Variants in LAMA5 observed in about 807,000 individuals in gnomAD.
LAMA5 encodes the protein laminin subunit alpha 5, also known as laminin subunit alpha-5.
In LAMA5, 260 loss-of-function variants were observed where a neutral mutation model predicts 433.4. The ratio of observed to expected loss-of-function variants is 0.60; its 90% CI spans 0.54 to 0.66. LAMA5 has a LOEUF of 0.66. Among genes scored for constraint, LAMA5 ranks in the 30% least tolerant of loss-of-function variants. The pLI is 0.00. For synonymous variants in LAMA5, 2,620 were observed against 2,226.6 expected (o/e 1.18, Z -4.97); for missense variants, 5,378 against 5,258.5 (o/e 1.02, Z -0.70).
intron 6 of LAMA5, among the ~76,000 whole-genome samples, chr20:62,347,647 C>T (rs927371463): frequency 2.0e-5 from 3 of 152,158 alleles, no homozygotes; most frequent in Non-Finnish European, 4.4e-5. Flanking sequence ...CCTTACGTCC[C>T]GTGGGCAGGG....
intron 1 of LAMA5, 81 bp downstream of exon 1, chr20:62,366,868 C>G (rs1986788337): frequency 5.7e-6 from 7 of 1,227,042 alleles, no homozygotes; most frequent in Non-Finnish European, 7.1e-6. Flanking sequence ...CCCCGGGCCA[C>G]GGCGCTCCCC....
intron 2 of LAMA5, among the ~76,000 whole-genome samples, chr20:62,358,179 G>T: frequency 7.5e-6 from 1 of 133,634 alleles, no homozygotes; most frequent in South Asian, 2.9e-4. Flanking sequence ...CAAGCATGGC[G>T]CGGGGGTGCG....
At position 62,313,124 on chromosome 20, in the gene LAMA5, C is replaced by T; in HGVS notation, c.8919G>A (p.Val2973=). 1 of 1,608,050 alleles carries T rather than the reference C, an allele frequency of 6.2e-7. No homozygotes were observed. The highest frequency in any genetic ancestry group is 8.5e-7 in the Non-Finnish European group (1 of 1,179,558). The change falls in exon 65 of 80, where the codon GTG becomes GTA. Residue 2973 remains valine (V), a synonymous_variant. Coordinates refer to ENST00000252999, the MANE Select transcript of LAMA5 (RefSeq NM_005560.6). ...TKRFEQELRL[V]SYSGVLFFLK... is the part of the protein sequence containing the mutation. ...GGAAGAAGAGCACCCCGCTGTAGGA[C>T]ACGAGCCGCAGCTCCTGCTCGAAGC... is the stretch of plus-strand genomic sequence containing the variant.
chr20:62,315,052 C>T lies in LAMA5; in HGVS notation c.8023G>A (p.Ala2675Thr), dbSNP rs1248330215. 6.3e-7 allele frequency: 1 copy of T among 1,598,060 alleles called. No individual in the cohort carries two copies. The highest frequency in any genetic ancestry group is 2.2e-5 in the East Asian group (1 of 44,846). ...EGLRGQDLGQ[A>T]VLDAGHSVST... is the part of the protein sequence containing the mutation. The stretch of plus-strand genomic sequence containing the variant: ...CCTGAGTGGCCTGCGTCAAGCACTG[C>T]CTGGCCCAGGTCCTGGCCCCGCAGG... Residue 2675 changes from alanine to threonine, a missense_variant, in exon 59 of 80, where the codon GCA becomes ACA. Ala to Thr is a moderately conservative substitution (Grantham distance 58). Coordinates refer to ENST00000252999, the MANE Select transcript of LAMA5 (RefSeq NM_005560.6).
chr20:62,324,971 C>T lies in LAMA5; in HGVS notation c.5529+345G>A, dbSNP rs1352108773. The T allele has an allele frequency of 5.2e-5, 20 of 385,794 alleles. No homozygotes were observed. The highest frequency in any genetic ancestry group is 3.5e-4 in the South Asian group (10 of 28,584). The allele number at this position is 385,794 out of a possible 1,614,324, so 23.9% of individuals were successfully genotyped here. ...AGCAGCTGGACAGACACACAGTGGG[C>T]GAGGGATGGGCAGAATGACAGGCAG... On this transcript the variant is annotated intron_variant, in intron 41 of 79. Transcript: ENST00000252999. This position sits in a 1 kb window ranked among gnomAD's most constrained non-coding sequence, Gnocchi z 4.4.
chr20:62,315,579 G>T (rs542299339), intron 58 of LAMA5, among the ~76,000 whole-genome samples: 2 of 152,248 alleles, frequency 1.3e-5, no homozygotes, highest in Admixed American at 1.3e-4. Context: ...CAGGGTGGGA[G>T]CCCTGGTCCT....
intron 51 of LAMA5, 142 bp from the exon 52 acceptor site, chr20:62,319,155 G>C (rs1031311640): frequency 3.5e-6 from 3 of 855,488 alleles, no homozygotes; most frequent in Non-Finnish European, 5.2e-6. Flanking sequence ...GTGGCCCCTA[G>C]AGCACCTGGC....
chr20:62,332,650 T>C lies in LAMA5; in HGVS notation c.3350A>G (p.Asn1117Ser), dbSNP rs1418591029. 1.2e-6 allele frequency: 2 copies of C among 1,609,330 alleles called. No homozygotes were observed. Among genetic ancestry groups the C allele is most frequent in the Non-Finnish European group, 1.7e-6 (2 of 1,178,488 alleles). The part of the protein sequence containing the change: ...GRYALVVEYA[N>S]EDARQEVGVA... ...GCCCACCTCCTGGCGGGCATCCTCA[T>C]TGGCGTACTCCACCACTAGGGCATA... Residue 1117 changes from asparagine to serine, a missense_variant, in exon 27 of 80, where the codon AAT becomes AGT. By Grantham distance (46) the Asn-to-Ser change is conservative. Transcript: ENST00000252999.
At chr20:62,361,611 C>T (rs1221776037) in intron 2 of LAMA5, among the ~76,000 whole-genome samples, 2 of 152,244 alleles carry the variant, frequency 1.3e-5, no homozygotes, top group Non-Finnish European at 2.9e-5. Context: ...GGCTGGGATG[C>T]AGGCCTCTGG....
In LAMA5 at chr20:62,325,373, C is replaced by T; in HGVS notation, c.5472G>A (p.Leu1824=). 3.7e-6 allele frequency: 6 copies of T among 1,609,802 alleles called. No homozygotes were observed. The highest frequency in any genetic ancestry group is 5.1e-6 in the Non-Finnish European group (6 of 1,178,104). ...EVASPAGQGA[L]ASNVELCLCP... ...ACAGGCACAGCTCCACATTGCTGGC[C>T]AGGGCCCCCTGGCCTGCTGGGCTGG... Residue 1824 remains leucine, a synonymous_variant, in exon 41 of 80, where the codon CTG becomes CTA. Coordinates refer to ENST00000252999, the MANE Select transcript of LAMA5 (RefSeq NM_005560.6).
Position 62,336,992 on chromosome 20 carries a change from C to G in LAMA5, c.2165-206G>C, listed in dbSNP as rs1160186062. The G allele has an allele frequency of 3.8e-5, 26 of 691,800 alleles. No individual in the cohort carries two copies. In the Admixed American group the frequency reaches 5.3e-4, roughly 14 times the overall value. The allele number at this position is 691,800 out of a possible 1,614,324, so 42.9% of individuals were successfully genotyped here. A position where few individuals can be genotyped will look rare whatever the true frequency, so the allele number is the denominator to read the frequency against. ...GCCATCCCACCACACAGCACCTGCT[C>G]ATGGACATGCACGCAAACGTGCACC... On this transcript the variant is annotated intron_variant, in intron 16 of 79. Coordinates refer to ENST00000252999, the MANE Select transcript of LAMA5 (RefSeq NM_005560.6).
chr20:62,319,777 G>T lies in LAMA5; in HGVS notation c.6778C>A (p.Gln2260Lys). Reference protein sequence around the residue: ...LGGQAVGTRDQASQLLAGTEA... With the variant: ...LGGQAVGTRDKASQLLAGTEA... ...GTGCCGGCCAGCAATTGGCTCGCCT[G>T]GTCTCGGGTCCCCACGGCCTGTGGA... Residue 2260 changes from glutamine (Q) to lysine (K), a missense_variant, in exon 51 of 80, where the codon CAG becomes AAG. By Grantham distance (53) the Gln-to-Lys change is moderately conservative. Coordinates refer to ENST00000252999, the MANE Select transcript of LAMA5 (RefSeq NM_005560.6). 6.5e-7 allele frequency: 1 copy of T among 1,547,264 alleles called. No homozygotes were observed. The highest frequency in any genetic ancestry group is 8.7e-7 in the Non-Finnish European group (1 of 1,146,574).
In LAMA5 at chr20:62,322,450, C is replaced by A; in HGVS notation, c.6166-1G>T. On this transcript the variant is annotated splice_acceptor_variant, in intron 46 of 79. Coordinates refer to ENST00000252999, the MANE Select transcript of LAMA5 (RefSeq NM_005560.6). LOFTEE classifies it high-confidence loss of function. ...AGCCATCGAAACCAAAATGTCCCTC[C>A]TGTGGCACAGGCTGGTCACTGCCCT... The A allele has an allele frequency of 6.3e-6, 10 of 1,580,422 alleles. No homozygotes were observed. The highest frequency in any genetic ancestry group is 8.6e-6 in the Non-Finnish European group (10 of 1,163,604).
rs1057476634 is a variant in LAMA5 at position 62,333,719 on chromosome 20, A to G, written c.2879-13T>C. ...CTCTGTGCTGTGCCTGGGCGGGGGC[A>G]GGGGTGAGACTCCTGAGCCCAGCCC... On this transcript the variant is annotated splice_polypyrimidine_tract_variant and intron_variant, in intron 23 of 79. Coordinates refer to ENST00000252999, the MANE Select transcript of LAMA5 (RefSeq NM_005560.6). 1.9e-6 allele frequency: 3 copies of G among 1,572,790 alleles called. No homozygotes were observed. In the African/African-American group the frequency reaches 4.0e-5, roughly 21 times the overall value.
chr20:62,331,005 C>A, intron 29 of LAMA5, 27 bp downstream of exon 29: 1 of 1,584,782 alleles, frequency 6.3e-7, no homozygotes, highest in Non-Finnish European at 8.6e-7. Flanking sequence ...CGGCCGCGCC[C>A]CTCCCAGCCC....
rs767183653 is a variant in LAMA5, at chr20:62,318,959, C to G, written c.6926G>C (p.Gly2309Ala). ...LGLANASAPS[G>A]EQLLRTLAEV... The stretch of plus-strand genomic sequence containing the variant: ...GGCCAGTGTCCGGAGCAGCTGCTCA[C>G]CTGATGGAGCCGAGGCATTGGCCAG... The change falls in exon 52 of 80, where the codon GGT becomes GCT. Residue 2309 changes from glycine to alanine, a missense_variant. Transcript: ENST00000252999. The G allele has an allele frequency of 2.5e-6, 4 of 1,595,410 alleles. No homozygotes were observed. The East Asian group carries it at 9.0e-5, about 36-fold the overall frequency.
In LAMA5 at chr20:62,326,958, G is replaced by A. The variant is rs769725374; in HGVS notation, c.5121C>T (p.Ser1707=). The A allele has an allele frequency of 4.4e-6, 7 of 1,604,818 alleles. No homozygotes were observed. The South Asian group carries it at 6.6e-5, about 15-fold the overall frequency. ...GTTCATAACGGAGGGTCCCACCGTAGGATGACACCTGGAGGCAGGACAGAC... is the reference window on the plus strand; with the variant it reads ...GTTCATAACGGAGGGTCCCACCGTAAGATGACACCTGGAGGCAGGACAGAC... ...PPSYLGDRVS[S]YGGTLRYELH... The change falls in exon 39 of 80, where the codon TCC becomes TCT. Residue 1707 remains serine, a synonymous_variant. Coordinates refer to ENST00000252999, the MANE Select transcript of LAMA5 (RefSeq NM_005560.6).
At chr20:62,354,569 T>G (rs891712862) in intron 2 of LAMA5, among the ~76,000 whole-genome samples, 1 of 151,934 alleles carries the variant, frequency 6.6e-6, no homozygotes. Context: ...TCTGAAAAGG[T>G]CTCTGGTCCC....
rs377634095 is a variant in LAMA5 at position 62,317,391 on chromosome 20, C to T, written c.7465G>A (p.Glu2489Lys). The change falls in exon 55 of 80, where the codon GAG (glutamate) becomes AAG (lysine). Residue 2489 changes from glutamate (E) to lysine (K), a missense_variant. Physicochemically the swap from Glu to Lys is moderately conservative, Grantham distance 56. Transcript: ENST00000252999. ...GSKLRLVEAA[E>K]AHAQQLGQLA... ...TGGCCCAGCTGCTGTGCGTGGGCCT[C>T]GGCGGCCTCCACTAGACGCAGCTTG... 1.7e-5 allele frequency: 27 copies of T among 1,609,884 alleles called. No homozygotes were observed. The highest frequency in any genetic ancestry group is 4.5e-5 in the East Asian group (2 of 44,826).
Sources: gnomAD v4.1 joint callset for allele counts (sites outside exome capture counted in the v4.1 genomes callset) on GRCh38, gnomAD v4.1.1 for gene constraint, Gnocchi (gnomAD v3.1) non-coding constraint, MANE v1.5 for transcripts, NCBI Gene and HGNC (gene_info 2026-07-23, HGNC 2026-07-21) for gene names.